ADK: variants seen among roughly 807,000 people sequenced by gnomAD.
ADK encodes the protein adenosine kinase, also known as N6,N6-dimethyladenosine kinase.
Under a neutral mutation model 44.7 loss-of-function variants are expected in ADK, and 24 were observed. The ratio of observed to expected loss-of-function variants is 0.54; its 90% CI spans 0.39 to 0.76. The LOEUF is 0.76. Among genes scored for constraint, ADK ranks in the 30% least tolerant of loss-of-function variants. ADK has a pLI of 0.00. For missense variants in ADK, 321 were observed against 425.1 expected, an observed-to-expected ratio of 0.76 and a Z score of 2.15; for synonymous variants, 128 against 142.6, an observed-to-expected ratio of 0.90 and a Z score of 0.73.
intron 3 of ADK, among the ~76,000 whole-genome samples, chr10:74,229,176 G>A (rs949554159): frequency 6.6e-6 from 1 of 151,970 alleles, no homozygotes; most frequent in African/African-American, 2.4e-5. Flanking sequence ...GCCAATTTAC[G>A]ATTATGATGA....
At chr10:74,596,025 A>G (rs1271023328) in intron 8 of ADK, among the ~76,000 whole-genome samples, 2 of 151,296 alleles carry the variant, frequency 1.3e-5, no homozygotes, top group Non-Finnish European at 2.9e-5. Flanking sequence ...AACCACTGAA[A>G]TTCGCTGGAG....
chr10:74,415,461 A>G (rs903115761), intron 6 of ADK, among the ~76,000 whole-genome samples: 2 of 152,216 alleles, frequency 1.3e-5, no homozygotes, highest in Non-Finnish European at 2.9e-5. Context: ...TCAAGTGTCT[A>G]CAGAATGGTA....
chr10:74,351,718 T>G (rs1358213699), intron 4 of ADK, among the ~76,000 whole-genome samples: 1 of 152,078 alleles, frequency 6.6e-6, no homozygotes, highest in Non-Finnish European at 1.5e-5. Context: ...GCTTCAGCAG[T>G]CTCAGGATAC....
chr10:74,592,252 T>G (rs937283241), intron 8 of ADK, among the ~76,000 whole-genome samples: 24 of 152,106 alleles, frequency 1.6e-4, no homozygotes, highest in African/African-American at 5.8e-4. Flanking sequence ...GTAAAAAGTT[T>G]TATAAGGCCT....
chr10:74,411,829 ACT>A (rs1413773450), intron 6 of ADK, among the ~76,000 whole-genome samples: 1 of 152,092 alleles, frequency 6.6e-6, no homozygotes, highest in Non-Finnish European at 1.5e-5. Flanking sequence ...GCCCTCTCTA[ACT>A]CTGTTGTTGC....
intron 3 of ADK, among the ~76,000 whole-genome samples, chr10:74,231,790 T>C (rs1460470831): frequency 6.6e-6 from 1 of 152,088 alleles, no homozygotes; most frequent in East Asian, 1.9e-4. Flanking sequence ...TTAAAGTTTA[T>C]TTTTGTATGT....
At chr10:74,269,192 C>A (rs1011364605) in intron 3 of ADK, among the ~76,000 whole-genome samples, 1 of 152,072 alleles carries the variant, frequency 6.6e-6, no homozygotes, top group Non-Finnish European at 1.5e-5. Context: ...TGGGTTAATG[C>A]GTGTGTAGTC....
chr10:74,457,866 AG>A (rs1471941363), intron 6 of ADK, among the ~76,000 whole-genome samples: 1 of 152,098 alleles, frequency 6.6e-6, no homozygotes, highest in Non-Finnish European at 1.5e-5. Flanking sequence ...GGGGCCTGTC[AG>A]GGGGTAGGGG....
At chr10:74,415,907 G>A (rs1844351837) in intron 6 of ADK, among the ~76,000 whole-genome samples, 1 of 151,878 alleles carries the variant, frequency 6.6e-6, no homozygotes, top group South Asian at 2.1e-4. Flanking sequence ...GACATAATAA[G>A]TCTGCTTTGA....
chr10:74,350,468 A>G (rs1238953888), intron 4 of ADK, among the ~76,000 whole-genome samples: 1 of 152,240 alleles, frequency 6.6e-6, no homozygotes. Context: ...AGCTGGAAAG[A>G]TCTGAAATCA....
chr10:74,458,189 C>T (rs917650020), intron 6 of ADK, among the ~76,000 whole-genome samples: 13 of 120,924 alleles, frequency 1.1e-4, no homozygotes, highest in African/African-American at 3.3e-4. Flanking sequence ...TGGAGTGCAG[C>T]GGTATGATCA....
chr10:74,343,425 GA>G (rs569419378), intron 4 of ADK, among the ~76,000 whole-genome samples: 30 of 152,082 alleles, frequency 2.0e-4, no homozygotes, highest in Non-Finnish European at 3.5e-4. Flanking sequence ...TTATTAAGTG[GA>G]AATGTTTCGT....
At chr10:74,210,058 G>A (rs976001357) in intron 2 of ADK, among the ~76,000 whole-genome samples, 4 of 152,044 alleles carry the variant, frequency 2.6e-5, no homozygotes, top group African/African-American at 9.7e-5. Context: ...GGCTGGGCGC[G>A]GTGGCTCACA....
At chr10:74,314,925 A>T (rs1840564506) in intron 4 of ADK, among the ~76,000 whole-genome samples, 180 bp downstream of exon 4, 1 of 152,082 alleles carries the variant, frequency 6.6e-6, no homozygotes, top group African/African-American at 2.4e-5. Context: ...TTCTTTGGTT[A>T]TTGGTAAGCT....
chr10:74,402,514 C>T (rs1450487082), intron 6 of ADK, among the ~76,000 whole-genome samples: 4 of 152,116 alleles, frequency 2.6e-5, no homozygotes, highest in Non-Finnish European at 5.9e-5. Flanking sequence ...CACTGATACC[C>T]TTTCTTCCAC....
chr10:74,156,823 A>G (rs774678026), intron 1 of ADK, among the ~76,000 whole-genome samples: 3 of 152,190 alleles, frequency 2.0e-5, no homozygotes, highest in African/African-American at 4.8e-5. Flanking sequence ...TACGAACCTC[A>G]TAAGGATGTT....
At chr10:74,538,031 C>A (rs1488889042) in intron 7 of ADK, among the ~76,000 whole-genome samples, 2 of 152,146 alleles carry the variant, frequency 1.3e-5, no homozygotes, top group East Asian at 3.9e-4. Context: ...CCAAGGTGGG[C>A]AGATCACCTG....
chr10:74,468,984 T>TGA (rs146476797), intron 6 of ADK, among the ~76,000 whole-genome samples: 5,499 of 151,932 alleles, frequency 0.036, 359 homozygotes, highest in African/African-American at 0.13. Context: ...TGTGTGTGTG[T>TGA]GAGAGAGAGA....
At chr10:74,223,900 C>A (rs1211958764) in intron 2 of ADK, among the ~76,000 whole-genome samples, 5 of 152,012 alleles carry the variant, frequency 3.3e-5, no homozygotes, top group African/African-American at 1.2e-4. Flanking sequence ...AGCAGCCTGG[C>A]CAACATGTTA....
Sources: allele counts gnomAD v4.1 joint callset (sites outside exome capture counted in the v4.1 genomes callset), GRCh38; gene constraint gnomAD v4.1.1; transcripts MANE v1.5; gene names NCBI Gene and HGNC (gene_info 2026-07-23, HGNC 2026-07-21).